The following EHMT1 variants were observed in gnomAD, a reference collection of about 807,000 sequenced individuals.
EHMT1 encodes the protein histone-lysine N-methyltransferase EHMT1.
EHMT1 carries 15 observed loss-of-function variants against 147.2 expected under a neutral mutation model. The ratio of observed to expected loss-of-function variants is 0.10; its 90% CI spans 0.07 to 0.16. The LOEUF (loss-of-function observed/expected upper bound fraction) is 0.16, where lower values mean the gene tolerates loss of function less well. EHMT1 is among the 10% of genes least tolerant of loss of function. The pLI is 1.00. For synonymous variants in EHMT1, 795 were observed against 709.6 expected (o/e 1.12, Z -1.91); for missense variants, 1,587 against 1,772.4 (o/e 0.90, Z 1.88).
intron 1 of EHMT1, among the ~76,000 whole-genome samples, chr9:137,675,740 T>C (rs1941210259): frequency 1.4e-5 from 2 of 146,768 alleles, no homozygotes; most frequent in Admixed American, 1.4e-4. Flanking sequence ...GCCTCCTAAG[T>C]AGCTAGGATT....
chr9:137,753,955 T>C (rs940721123), intron 7 of EHMT1, among the ~76,000 whole-genome samples: 1 of 152,212 alleles, frequency 6.6e-6, no homozygotes, highest in Non-Finnish European at 1.5e-5. Context: ...TTGTTTTGTT[T>C]TATCTCTAAA....
intron 3 of EHMT1, among the ~76,000 whole-genome samples, chr9:137,725,787 C>T (rs959470469): frequency 2.0e-5 from 3 of 152,128 alleles, no homozygotes; most frequent in African/African-American, 4.8e-5. Flanking sequence ...GACCGTGAGG[C>T]CGTGAGAGCC....
chr9:137,634,611 ATTTCTTTTCTTTTC>A (rs1843848758), intron 1 of EHMT1, among the ~76,000 whole-genome samples: 1 of 137,218 alleles, frequency 7.3e-6, no homozygotes, highest in Non-Finnish European at 1.6e-5. Flanking sequence ...ATTTTCTTTC[ATTTCTTTTCTTTTC>A]TTTTCTTTTC....
intron 15 of EHMT1, chr9:137,784,491 C>T (rs1397784411): frequency 2.1e-5 from 21 of 979,402 alleles, no homozygotes; most frequent in Non-Finnish European, 2.5e-5. Context: ...CTGGAAGTTA[C>T]AGACTTTCCA....
At chr9:137,758,638 T>C (rs1212191707) in intron 9 of EHMT1, among the ~76,000 whole-genome samples, 1 of 152,214 alleles carries the variant, frequency 6.6e-6, no homozygotes, top group Non-Finnish European at 1.5e-5. Context: ...CGAAGCATGA[T>C]GTGGAGGAAA....
intron 3 of EHMT1, among the ~76,000 whole-genome samples, chr9:137,720,710 C>A (rs1201107454): frequency 6.6e-6 from 1 of 152,174 alleles, no homozygotes; most frequent in Non-Finnish European, 1.5e-5. Context: ...GTCATTAGCC[C>A]GTCCCGTTCT....
At chr9:137,634,270 A>G (rs1843819976) in intron 1 of EHMT1, among the ~76,000 whole-genome samples, 1 of 152,110 alleles carries the variant, frequency 6.6e-6, no homozygotes, top group Admixed American at 6.6e-5. Context: ...GAAAATTTGC[A>G]TAGTTTTAGC....
At chr9:137,643,937 T>C (rs1386609482) in intron 1 of EHMT1, among the ~76,000 whole-genome samples, 1 of 152,204 alleles carries the variant, frequency 6.6e-6, no homozygotes, top group African/African-American at 2.4e-5. Flanking sequence ...CAGCATGCGT[T>C]GTCTTCTCAC....
At chr9:137,659,288 C>T (rs777920309) in intron 1 of EHMT1, among the ~76,000 whole-genome samples, 5 of 151,882 alleles carry the variant, frequency 3.3e-5, no homozygotes, top group Non-Finnish European at 5.9e-5. Flanking sequence ...CCCATTTTTT[C>T]ATGCTTTGTG....
chr9:137,711,366 C>T (rs1944700684), intron 2 of EHMT1, among the ~76,000 whole-genome samples: 1 of 152,196 alleles, frequency 6.6e-6, no homozygotes. Context: ...CTCCGGTGTC[C>T]TCAGTTGATA....
chr9:137,833,622 C>G (rs983246129), intron 25 of EHMT1, among the ~76,000 whole-genome samples: 10 of 152,252 alleles, frequency 6.6e-5, no homozygotes, highest in Admixed American at 2.0e-4. Flanking sequence ...TCGTCCCCCT[C>G]TCTATGGTCA....
chr9:137,625,878 G>A (rs571655131), intron 1 of EHMT1, among the ~76,000 whole-genome samples: 8 of 150,022 alleles, frequency 5.3e-5, no homozygotes, highest in Admixed American at 3.3e-4. Context: ...TTTTTGAGAC[G>A]AAGTTTTGCT....
chr9:137,822,390 G>A (rs919019945), intron 25 of EHMT1, among the ~76,000 whole-genome samples: 1 of 152,126 alleles, frequency 6.6e-6, no homozygotes, highest in African/African-American at 2.4e-5. Flanking sequence ...AGTAAATGGG[G>A]GTGGAGTTAC....
At position 137,813,774 on chromosome 9, in the gene EHMT1, G is replaced by A. The variant is rs1219947926; in HGVS notation, c.3180+244G>A. On this transcript the variant is annotated intron_variant, in intron 21 of 26. Coordinates refer to ENST00000460843, the MANE Select transcript of EHMT1 (RefSeq NM_024757.5). The surrounding 1 kb of genome is among the most constrained non-coding windows in gnomAD (Gnocchi z 4.9). ...CAAGGCTTCTTACCGACCCAAAGCAGTGGCAGGCATCTTTGTGCCTTTTTT... is the reference window on the plus strand; with the variant it reads ...CAAGGCTTCTTACCGACCCAAAGCAATGGCAGGCATCTTTGTGCCTTTTTT... 6.6e-6 allele frequency among the ~76,000 whole-genome samples: 1 copy of A among 152,224 alleles called. No homozygotes were observed. The highest frequency in any genetic ancestry group is 2.4e-5 in the African/African-American group (1 of 41,458).
chr9:137,800,733 C>T, intron 17 of EHMT1, 147 bp from the exon 18 acceptor site: 1 of 680,626 alleles, frequency 1.5e-6, no homozygotes, highest in South Asian at 1.7e-5. Context: ...ACTGTGGCCT[C>T]TGAAGGTTGC....
intron 14 of EHMT1, among the ~76,000 whole-genome samples, chr9:137,781,634 C>T (rs1184556409): frequency 2.0e-5 from 3 of 152,198 alleles, no homozygotes; most frequent in Non-Finnish European, 4.4e-5. Context: ...GTTAGAGAGC[C>T]TTCCCAGTGA....
At chr9:137,670,155 T>C (rs1303092251) in intron 1 of EHMT1, among the ~76,000 whole-genome samples, 4 of 152,188 alleles carry the variant, frequency 2.6e-5, no homozygotes, top group Admixed American at 1.3e-4. Flanking sequence ...CCACCGCGCC[T>C]GGGCTGAAAA....
chr9:137,805,020 T>C (rs1588808160), intron 18 of EHMT1, among the ~76,000 whole-genome samples: 1 of 152,096 alleles, frequency 6.6e-6, no homozygotes, highest in Non-Finnish European at 1.5e-5. Context: ...CATGTGTGAG[T>C]CAGTCATCTG....
At chr9:137,619,706 G>A (rs149763007) in intron 1 of EHMT1, among the ~76,000 whole-genome samples, 81 of 152,184 alleles carry the variant, frequency 5.3e-4, no homozygotes, top group Middle Eastern at 3.4e-3. Context: ...AAGGGCTCTC[G>A]ATGTAAAAAG....
Sources: allele counts gnomAD v4.1 joint callset (sites outside exome capture counted in the v4.1 genomes callset), GRCh38; gene constraint gnomAD v4.1.1; non-coding constraint Gnocchi (gnomAD v3.1); transcripts MANE v1.5; gene names NCBI Gene and HGNC (gene_info 2026-07-23, HGNC 2026-07-21).